CFAP206: variants seen among roughly 807,000 people sequenced by gnomAD.
CFAP206 encodes the protein cilia and flagella associated protein 206, also known as cilia- and flagella-associated protein 206.
In CFAP206, 53 loss-of-function variants were observed where a neutral mutation model predicts 65.4. The ratio of observed to expected loss-of-function variants is 0.81; its 90% CI spans 0.65 to 1.02. The LOEUF is 1.02. Among genes scored for constraint, CFAP206 ranks in the 50% least tolerant of loss-of-function variants. The pLI, the probability that CFAP206 is intolerant of heterozygous loss-of-function variation, is 0.00. For synonymous variants in CFAP206, 250 were observed against 254.4 expected (o/e 0.98, Z 0.17); for missense variants, 663 against 753.2 (o/e 0.88, Z 1.40).
At chr6:87,417,805 G>C (rs1398727355) in intron 6 of CFAP206, among the ~76,000 whole-genome samples, 1 of 144,110 alleles carries the variant, frequency 6.9e-6, no homozygotes, top group Non-Finnish European at 1.5e-5. Flanking sequence ...GCCCAGATTG[G>C]AGTGCAGTGG....
intron 7 of CFAP206, among the ~76,000 whole-genome samples, chr6:87,424,866 G>A (rs1019902792): frequency 6.6e-6 from 1 of 152,150 alleles, no homozygotes; most frequent in Non-Finnish European, 1.5e-5. Flanking sequence ...TTATTTTAAG[G>A]TAAGGGCTTT....
intron 11 of CFAP206, among the ~76,000 whole-genome samples, chr6:87,458,814 A>G (rs1402849885): frequency 1.3e-5 from 2 of 152,174 alleles, no homozygotes; most frequent in Non-Finnish European, 2.9e-5. Flanking sequence ...AAAGAGTACA[A>G]TTGGAATATT....
intron 11 of CFAP206, chr6:87,445,002 C>T: frequency 1.9e-6 from 1 of 520,940 alleles, no homozygotes; most frequent in South Asian, 1.4e-5. Flanking sequence ...TCGTTGAAGA[C>T]ACTGGCTCTC....
At chr6:87,449,463 A>C (rs893072151) in intron 11 of CFAP206, among the ~76,000 whole-genome samples, 3 of 141,204 alleles carry the variant, frequency 2.1e-5, no homozygotes. Context: ...AAAAAAAAAG[A>C]GTTCCCTTTC....
intron 8 of CFAP206, among the ~76,000 whole-genome samples, chr6:87,427,617 C>T (rs941956262): frequency 9.2e-5 from 14 of 152,152 alleles, no homozygotes; most frequent in African/African-American, 3.1e-4. Flanking sequence ...AGAAACATAT[C>T]TCACTGGCCT....
chr6:87,452,320 T>C (rs1423331881), intron 11 of CFAP206, among the ~76,000 whole-genome samples: 3 of 152,292 alleles, frequency 2.0e-5, no homozygotes, highest in African/African-American at 7.2e-5. Flanking sequence ...ATCACAACAC[T>C]CAATTCCCTT....
At chr6:87,409,245 A>C (rs1198732805) in intron 1 of CFAP206, among the ~76,000 whole-genome samples, 2 of 131,704 alleles carry the variant, frequency 1.5e-5, no homozygotes, top group Admixed American at 7.8e-5. Flanking sequence ...TTTTTTCCTG[A>C]GACACAGTTT....
intron 11 of CFAP206, among the ~76,000 whole-genome samples, chr6:87,449,593 ACATAC>A (rs1320557214): frequency 1.3e-5 from 2 of 152,162 alleles, no homozygotes; most frequent in Non-Finnish European, 2.9e-5. Flanking sequence ...GCATTTTCTT[ACATAC>A]CTGTTGGCCA....
chr6:87,415,288 A>C lies in CFAP206; in HGVS notation c.284-398A>C, dbSNP rs565889009. On this transcript the variant is annotated intron_variant, in intron 4 of 12. Transcript: ENST00000369562. ...TATGTATAGTATACTACATGTGCTT[A>C]CATATAGCATAAATATATAATATGT... 1.2e-4 allele frequency among the ~76,000 whole-genome samples: 18 copies of C among 151,152 alleles called. 1 individual carries two copies. The highest frequency in any genetic ancestry group is 7.9e-4 in the Admixed American group (12 of 15,126).
At chr6:87,442,449 G>A (rs752902707) in intron 11 of CFAP206, among the ~76,000 whole-genome samples, 22 of 152,172 alleles carry the variant, frequency 1.4e-4, no homozygotes, top group South Asian at 4.1e-4. Flanking sequence ...GTTGCAGTAC[G>A]TACTGTGGAG....
intron 12 of CFAP206, among the ~76,000 whole-genome samples, chr6:87,462,713 G>A (rs994562605): frequency 6.6e-6 from 1 of 152,156 alleles, no homozygotes; most frequent in African/African-American, 2.4e-5. Context: ...GACTGGAAAT[G>A]TTAAGAGAAT....
intron 4 of CFAP206, 143 bp downstream of exon 4, chr6:87,414,043 C>CAAT (rs16667): frequency 0.31 from 131,955 of 422,464 alleles, 22,899 homozygotes; most frequent in African/African-American, 0.56. Context: ...AGGAATACAA[C>CAAT]GTTAGAAATG....
rs144447786 is a variant in CFAP206 at position 87,421,465 on chromosome 6, G to A, written c.840+3049G>A. 1.6e-3 allele frequency among the ~76,000 whole-genome samples: 237 copies of A among 152,148 alleles called. 1 individual carries two copies. The highest frequency in any genetic ancestry group is 2.5e-3 in the Non-Finnish European group (167 of 67,994). On this transcript the variant is annotated intron_variant, in intron 7 of 12. Coordinates refer to ENST00000369562, the MANE Select transcript of CFAP206 (RefSeq NM_001031743.3). ...CGTGCCACTGCATTCCAGCCTGGGCGACAGAGTGAGACACTGTCTCAAAAA... is the reference window on the plus strand; with the variant it reads ...CGTGCCACTGCATTCCAGCCTGGGCAACAGAGTGAGACACTGTCTCAAAAA...
intron 11 of CFAP206, among the ~76,000 whole-genome samples, chr6:87,460,263 C>T (rs1416708884): frequency 6.6e-6 from 1 of 152,104 alleles, no homozygotes; most frequent in Non-Finnish European, 1.5e-5. Flanking sequence ...ATATTGGGTT[C>T]CCCAAAAGAA....
intron 10 of CFAP206, among the ~76,000 whole-genome samples, chr6:87,432,995 A>C (rs140023415): frequency 6.6e-6 from 1 of 152,154 alleles, no homozygotes; most frequent in Non-Finnish European, 1.5e-5. Flanking sequence ...TTTTCCGATG[A>C]CTTCATTGAC....
intron 12 of CFAP206, among the ~76,000 whole-genome samples, chr6:87,462,419 T>G (rs867654899): frequency 3.3e-5 from 5 of 152,170 alleles, no homozygotes; most frequent in African/African-American, 1.2e-4. Context: ...CCCCATATTA[T>G]TTTCTATTAT....
At chr6:87,461,206 A>T (rs1399804959) in intron 12 of CFAP206, 41 bp downstream of exon 12, 2 of 1,374,772 alleles carry the variant, frequency 1.5e-6, no homozygotes, top group Non-Finnish European at 1.9e-6. Context: ...TATGTTGGGG[A>T]ATTTTAATCT....
chr6:87,411,154 C>T (rs1200120066), intron 3 of CFAP206, among the ~76,000 whole-genome samples: 1 of 152,198 alleles, frequency 6.6e-6, no homozygotes, highest in Non-Finnish European at 1.5e-5. Context: ...GGAAATTGGG[C>T]AGGTAGCAGC....
chr6:87,413,461 A>T (rs192211190), intron 3 of CFAP206, among the ~76,000 whole-genome samples: 21 of 152,272 alleles, frequency 1.4e-4, no homozygotes, highest in Admixed American at 3.3e-4. Context: ...GACATTGAAG[A>T]CTTGGGAGGG....
Sources: allele counts gnomAD v4.1 joint callset (sites outside exome capture counted in the v4.1 genomes callset), GRCh38; gene constraint gnomAD v4.1.1; transcripts MANE v1.5; gene names NCBI Gene and HGNC (gene_info 2026-07-23, HGNC 2026-07-21).